Variants in FUT9 observed in about 807,000 individuals in gnomAD.
FUT9 encodes the protein 4-galactosyl-N-acetylglucosaminide 3-alpha-L-fucosyltransferase 9.
A neutral mutation model predicts 29.7 loss-of-function variants in FUT9; 15 were observed. The ratio of observed to expected loss-of-function variants is 0.51; its 90% CI spans 0.34 to 0.78. The LOEUF (loss-of-function observed/expected upper bound fraction) is 0.78, where lower values mean the gene tolerates loss of function less well. FUT9 is among the 30% of genes least tolerant of loss of function. The pLI is 0.01. For missense variants in FUT9, 319 were observed against 425.4 expected (o/e 0.75, Z 2.20); for synonymous variants, 169 against 153.7 (o/e 1.10, Z -0.74).
intron 2 of FUT9, among the ~76,000 whole-genome samples, chr6:96,187,834 G>T (rs1427401351): frequency 6.6e-6 from 1 of 152,020 alleles, no homozygotes; most frequent in African/African-American, 2.4e-5. Context: ...TAGGCAACTT[G>T]GTTTTTTGAG....
chr6:96,057,320 T>A (rs1770789087), intron 1 of FUT9, among the ~76,000 whole-genome samples: 1 of 152,204 alleles, frequency 6.6e-6, no homozygotes, highest in Non-Finnish European at 1.5e-5. Flanking sequence ...AGTTTGAGTG[T>A]CTACTTCTTT....
rs149031802 is a variant in FUT9, at chr6:96,154,160, CAT to C, written c.-9+40034_-9+40035del. On this transcript the variant is annotated intron_variant, in intron 2 of 2. Transcript: ENST00000302103. ...TTACTCTTTAAATCAGAGCTCAACA[CAT>C]GTTTATAGTATCAAATTAATAATAT... Among the ~76,000 whole-genome samples, 42 of 152,310 alleles carry C rather than the reference CAT, an allele frequency of 2.8e-4. No individual in the cohort carries two copies. The East Asian group carries it at 6.8e-3, about 25-fold the overall frequency.
chr6:96,132,719 T>G (rs1772269799), intron 2 of FUT9, among the ~76,000 whole-genome samples: 1 of 152,182 alleles, frequency 6.6e-6, no homozygotes, highest in African/African-American at 2.4e-5. Context: ...AGAAAATATT[T>G]TATAATGTGT....
chr6:96,101,666 A>T (rs1202247249), intron 1 of FUT9, among the ~76,000 whole-genome samples: 1 of 151,934 alleles, frequency 6.6e-6, no homozygotes, highest in Admixed American at 6.6e-5. Context: ...ACATACTCCA[A>T]TTCTGGAGAC....
chr6:96,124,286 G>A (rs991042390), intron 2 of FUT9, among the ~76,000 whole-genome samples: 7 of 151,372 alleles, frequency 4.6e-5, no homozygotes, highest in Non-Finnish European at 5.9e-5. Flanking sequence ...TGAGTAGCTG[G>A]AACTAAAGGC....
chr6:96,109,787 T>C (rs754840340), intron 1 of FUT9, among the ~76,000 whole-genome samples: 4 of 152,110 alleles, frequency 2.6e-5, no homozygotes, highest in Non-Finnish European at 5.9e-5. Flanking sequence ...ATCATGCTAG[T>C]TCCAAGCCAA....
At chr6:96,054,319 G>A (rs1027113460) in intron 1 of FUT9, among the ~76,000 whole-genome samples, 6 of 152,188 alleles carry the variant, frequency 3.9e-5, no homozygotes, top group Non-Finnish European at 8.8e-5. Flanking sequence ...CAGTATGACA[G>A]CTGTTTACTG....
At chr6:96,133,018 G>C (rs1478190771) in intron 2 of FUT9, among the ~76,000 whole-genome samples, 2 of 151,906 alleles carry the variant, frequency 1.3e-5, no homozygotes, top group East Asian at 3.8e-4. Flanking sequence ...TGGTTTCTGA[G>C]ATCTTGTTGC....
At chr6:96,136,102 A>ATGAT (rs1378430980) in intron 2 of FUT9, among the ~76,000 whole-genome samples, 2 of 151,704 alleles carry the variant, frequency 1.3e-5, no homozygotes, top group Non-Finnish European at 3.0e-5. Flanking sequence ...CCAATCCTTA[A>ATGAT]TGATTGCCTT....
intron 1 of FUT9, among the ~76,000 whole-genome samples, chr6:96,032,670 A>G (rs1237376533): frequency 2.0e-5 from 3 of 151,522 alleles, no homozygotes; most frequent in Non-Finnish European, 4.4e-5. Context: ...TCTTTACGTG[A>G]AAGTAGGCAG....
At chr6:96,135,089 T>G (rs1462723322) in intron 2 of FUT9, among the ~76,000 whole-genome samples, 3 of 151,908 alleles carry the variant, frequency 2.0e-5, no homozygotes, top group Non-Finnish European at 4.4e-5. Context: ...AGAAAATTAC[T>G]CTTTCAATGA....
At chr6:96,153,131 G>A (rs1772709451) in intron 2 of FUT9, among the ~76,000 whole-genome samples, 1 of 147,230 alleles carries the variant, frequency 6.8e-6, no homozygotes, top group Admixed American at 6.7e-5. Flanking sequence ...TATAAAATTG[G>A]GGTACTTACA....
At chr6:96,041,812 G>A (rs1482851555) in intron 1 of FUT9, among the ~76,000 whole-genome samples, 1 of 152,090 alleles carries the variant, frequency 6.6e-6, no homozygotes, top group African/African-American at 2.4e-5. Context: ...GTCTCCTCTT[G>A]TTACGGCCTA....
chr6:96,086,427 C>A (rs1043057827), intron 1 of FUT9, among the ~76,000 whole-genome samples: 1 of 152,128 alleles, frequency 6.6e-6, no homozygotes, highest in Non-Finnish European at 1.5e-5. Flanking sequence ...TTAACTTTGT[C>A]TTTTACCAGA....
intron 2 of FUT9, among the ~76,000 whole-genome samples, chr6:96,123,405 G>C (rs1302418529): frequency 6.6e-6 from 1 of 152,188 alleles, no homozygotes; most frequent in African/African-American, 2.4e-5. Context: ...TAATATTATA[G>C]AGGGCTTTGA....
intron 1 of FUT9, among the ~76,000 whole-genome samples, chr6:96,089,108 T>C (rs932853651): frequency 1.3e-5 from 2 of 152,204 alleles, no homozygotes; most frequent in Admixed American, 1.3e-4. Context: ...ATACAAACTA[T>C]AACTATTCCT....
chr6:96,051,580 G>T (rs1770671016), intron 1 of FUT9, among the ~76,000 whole-genome samples: 1 of 151,994 alleles, frequency 6.6e-6, no homozygotes, highest in African/African-American at 2.4e-5. Context: ...TTGAGCCCAG[G>T]AAGTCAAGAT....
chr6:96,184,858 G>T (rs1275069415), intron 2 of FUT9, among the ~76,000 whole-genome samples: 2 of 152,028 alleles, frequency 1.3e-5, no homozygotes, highest in African/African-American at 4.8e-5. Flanking sequence ...TATAGCTTAT[G>T]TGACATTCCC....
intron 1 of FUT9, among the ~76,000 whole-genome samples, chr6:96,053,233 A>G (rs1333149593): frequency 6.6e-6 from 1 of 152,166 alleles, no homozygotes; most frequent in African/African-American, 2.4e-5. Context: ...CATTAAAGCA[A>G]GGCATTTTTT....
Sources: allele counts gnomAD v4.1 joint callset (sites outside exome capture counted in the v4.1 genomes callset), GRCh38; gene constraint gnomAD v4.1.1; transcripts MANE v1.5; gene names NCBI Gene and HGNC (gene_info 2026-07-23, HGNC 2026-07-21).